Variants in MTMR9 observed in about 807,000 individuals in gnomAD.
MTMR9 encodes the protein myotubularin-related protein 9.
MTMR9 carries 39 observed loss-of-function variants against 69.5 expected under a neutral mutation model. That is an observed-to-expected ratio of 0.56 (90% CI 0.43 to 0.73). The LOEUF (loss-of-function observed/expected upper bound fraction) is 0.73. MTMR9 is among the 30% of genes least tolerant of loss of function. The pLI is 0.00. For missense variants in MTMR9, 900 were observed against 671.2 expected (o/e 1.34, Z -3.77); for synonymous variants, 354 against 240.8 (o/e 1.47, Z -4.35).
At chr8:11,314,849 C>T (rs1311060041) in intron 6 of MTMR9, 74 bp from the exon 7 acceptor site, 25 of 1,458,476 alleles carry the variant, frequency 1.7e-5, no homozygotes, top group African/African-American at 1.4e-4. Context: ...GCTCAATAAA[C>T]GCTTGTTATT....
chr8:11,322,517 A>G, intron 9 of MTMR9, 108 bp from the exon 10 acceptor site: 2 of 911,708 alleles, frequency 2.2e-6, no homozygotes, highest in Middle Eastern at 3.4e-4. Context: ...TGTGGCAACA[A>G]AAGAAAAAAG....
chr8:11,329,860 G>T (rs1468258327), downstream of MTMR9, among the ~76,000 whole-genome samples: 1 of 151,980 alleles, frequency 6.6e-6, no homozygotes, highest in Non-Finnish European at 1.5e-5. Flanking sequence ...ATCCCGTCTA[G>T]GAAGTGAGGA....
At chr8:11,310,981 C>G (rs918716938) in intron 6 of MTMR9, among the ~76,000 whole-genome samples, 4 of 152,188 alleles carry the variant, frequency 2.6e-5, no homozygotes, top group African/African-American at 9.6e-5. Flanking sequence ...GTTAATTTTG[C>G]CATGTTTGAG....
At chr8:11,308,698 A>G (rs192286192) in intron 5 of MTMR9, among the ~76,000 whole-genome samples, 12 of 152,264 alleles carry the variant, frequency 7.9e-5, no homozygotes, top group Admixed American at 7.2e-4. Flanking sequence ...GTAATATCTC[A>G]TCTTTATTTC....
At position 11,295,241 on chromosome 8, in the gene MTMR9, G is replaced by A. The variant is rs370972294; in HGVS notation, c.230G>A (p.Arg77Gln). 7.4e-6 allele frequency: 12 copies of A among 1,611,410 alleles called. No individual in the cohort carries two copies. Among genetic ancestry groups the A allele is most frequent in the East Asian group, 6.7e-5 (3 of 44,704 alleles). ...ATCATCATAAAATGTAAAGATTTTCGAATTATTCAGTTGGATATTCCTGGA... is the reference window on the plus strand; with the variant it reads ...ATCATCATAAAATGTAAAGATTTTCAAATTATTCAGTTGGATATTCCTGGA... The part of the protein sequence containing the change: ...GTIIIKCKDF[R>Q]IIQLDIPGME... The change falls in exon 2 of 10, where the codon CGA (arginine) becomes CAA (glutamine). Residue 77 changes from arginine to glutamine, a missense_variant. Transcript: ENST00000221086.
chr8:11,307,760 T>A (rs1585123226), intron 5 of MTMR9, among the ~76,000 whole-genome samples: 1 of 152,242 alleles, frequency 6.6e-6, no homozygotes, highest in African/African-American at 2.4e-5. Flanking sequence ...TGAGGTGATA[T>A]CTCATTGTGG....
chr8:11,329,064 T>A (rs1005109846), downstream of MTMR9, among the ~76,000 whole-genome samples: 1 of 152,252 alleles, frequency 6.6e-6, no homozygotes, highest in East Asian at 1.9e-4. Context: ...GGTCTTGGTA[T>A]CTTTGTTGAA....
chr8:11,295,036 A>G lies in MTMR9; in HGVS notation c.183-158A>G, dbSNP rs1338504543. ...ATATTGTAAGTAATGTATGGCTCAC[A>G]TTTTAATGATGCAGCCTTGCTTCTT... On this transcript the variant is annotated intron_variant, in intron 1 of 9. Coordinates refer to ENST00000221086, the MANE Select transcript of MTMR9 (RefSeq NM_015458.4). 6 of 488,798 alleles carry G rather than the reference A, an allele frequency of 1.2e-5. No homozygotes were observed. In the East Asian group the frequency reaches 2.0e-4, roughly 16 times the overall value. The allele number at this position is 488,798 out of a possible 1,614,324, so 30.3% of individuals were successfully genotyped here.
At chr8:11,305,085 C>G (rs1225798598) in intron 4 of MTMR9, 71 bp downstream of exon 4, 5 of 1,444,438 alleles carry the variant, frequency 3.5e-6, no homozygotes, top group Non-Finnish European at 4.7e-6. Flanking sequence ...GAAATGTTCC[C>G]TTTTGCTCTC....
rs1404028504 is a variant in MTMR9 at position 11,306,125 on chromosome 8, TC to T, written c.592-64del. On this transcript the variant is annotated intron_variant, in intron 4 of 9. Coordinates refer to ENST00000221086, the MANE Select transcript of MTMR9 (RefSeq NM_015458.4). ...TGAGATACTCTTAATCTAGCTAATT[TC>T]TTTCTGTTTTCAGAAACTTTAAAAG... is the stretch of plus-strand genomic sequence containing the variant. 357 of 1,391,634 alleles carry T rather than the reference TC, an allele frequency of 2.6e-4. 1 individual carries two copies. The highest frequency in any genetic ancestry group is 1.4e-5 in the Non-Finnish European group (14 of 996,388). 86.2% of individuals were successfully genotyped at this position (1,391,634 alleles called of 1,614,324 possible).
chr8:11,306,538 A>T (rs1799947793), intron 5 of MTMR9, 131 bp downstream of exon 5: 1 of 776,674 alleles, frequency 1.3e-6, no homozygotes, highest in Non-Finnish European at 2.0e-6. Context: ...TGGGCTAGCC[A>T]TCTTCTCATT....
intron 3 of MTMR9, among the ~76,000 whole-genome samples, chr8:11,302,005 C>G (rs1367347658): frequency 1.3e-5 from 2 of 151,922 alleles, no homozygotes; most frequent in East Asian, 3.9e-4. Flanking sequence ...ACCTATAATC[C>G]TAGCACTTAA....
At chr8:11,309,395 G>T (rs2117419908) in intron 5 of MTMR9, 132 bp from the exon 6 acceptor site, 1 of 730,694 alleles carries the variant, frequency 1.4e-6, no homozygotes, top group Non-Finnish European at 2.2e-6. Context: ...TCAAATTATA[G>T]CAGGGTAAAT....
Position 11,285,065 on chromosome 8 carries a change from C to T in MTMR9, c.177C>T (p.Asp59=), listed in dbSNP as rs952057766. ...TCCATTCAAACATCGACGCCATCGACAAGCGGTGAGTGCCCGCCCCACCCC... is the reference window on the plus strand; with the variant it reads ...TCCATTCAAACATCGACGCCATCGATAAGCGGTGAGTGCCCGCCCCACCCC... The part of the protein sequence containing the change: ...WLLHSNIDAI[D]KRFVGSLGTI... Residue 59 remains aspartate (D), a synonymous_variant, in exon 1 of 10, where the codon GAC becomes GAT. Transcript: ENST00000221086. 8 of 1,604,134 alleles carry T rather than the reference C, an allele frequency of 5.0e-6. No individual in the cohort carries two copies. The highest frequency in any genetic ancestry group is 1.1e-5 in the South Asian group (1 of 90,008).
chr8:11,290,117 C>G (rs1347402822), intron 1 of MTMR9, among the ~76,000 whole-genome samples: 2 of 152,170 alleles, frequency 1.3e-5, no homozygotes, highest in African/African-American at 4.8e-5. Flanking sequence ...TTCTTACCAA[C>G]ATTTGGTATT....
chr8:11,319,450 C>T (rs1273481816), intron 8 of MTMR9: 3 of 491,344 alleles, frequency 6.1e-6, no homozygotes, highest in African/African-American at 2.0e-5. Context: ...CTGTTTTTAT[C>T]CTCCTGCCAG....
intron 7 of MTMR9, 119 bp from the exon 8 acceptor site, chr8:11,316,554 A>G: frequency 1.7e-6 from 1 of 592,592 alleles, no homozygotes; most frequent in Non-Finnish European, 2.9e-6. Flanking sequence ...AGCTACCCTA[A>G]TTATATGATG....
At chr8:11,288,165 AATT>A (rs1229256827) in intron 1 of MTMR9, among the ~76,000 whole-genome samples, 218 of 134,212 alleles carry the variant, frequency 1.6e-3, no homozygotes, top group Admixed American at 2.5e-3. Context: ...ATAGGTGAAT[AATT>A]ATTTATTCAC....
Position 11,306,382 on chromosome 8 carries a change from A to G in MTMR9, c.784A>G (p.Arg262Gly), listed in dbSNP as rs2117409652. 1.2e-6 allele frequency: 2 copies of G among 1,614,054 alleles called. No individual in the cohort carries two copies. The highest frequency in any genetic ancestry group is 4.5e-5 in the East Asian group (2 of 44,884). ...FEQEAHYPQW[R>G]RIHKSIERYH... ...ACAAGAAGCTCATTATCCTCAGTGG[A>G]GGCGAATTCATAAGTCCATTGAGAG... Residue 262 changes from arginine to glycine, a missense_variant, in exon 5 of 10, where the codon AGG becomes GGG. Coordinates refer to ENST00000221086, the MANE Select transcript of MTMR9 (RefSeq NM_015458.4).
Sources: gnomAD v4.1 joint callset for allele counts (sites outside exome capture counted in the v4.1 genomes callset) on GRCh38, gnomAD v4.1.1 for gene constraint, MANE v1.5 for transcripts, NCBI Gene and HGNC (gene_info 2026-07-23, HGNC 2026-07-21) for gene names.